Variants in ERG observed in about 807,000 individuals in gnomAD.
The protein encoded by ERG is ETS transcription factor ERG.
In ERG, 9 loss-of-function variants were observed where a neutral mutation model predicts 55.3. The ratio of observed to expected loss-of-function variants is 0.16; its 90% confidence interval spans 0.10 to 0.28. The LOEUF is 0.28. ERG is among the 10% of genes least tolerant of loss of function. The probability of loss-of-function intolerance (pLI) is 1.00; values close to 1 mark genes in which losing one functional copy is unlikely to be tolerated. For synonymous variants in ERG, 223 were observed against 237.3 expected (o/e 0.94, Z 0.55); for missense variants, 434 against 631.6 (o/e 0.69, Z 3.35).
At position 38,512,535 on chromosome 21, in the gene ERG, A is replaced by G. The variant is rs572484468; in HGVS notation, c.-41+63127T>C. Reference sequence around the variant, plus strand: ...TCTTTCAATCAGATATTGAATAATTATACTACACAGTATTAAGAATGAGAT... The same window carrying G: ...TCTTTCAATCAGATATTGAATAATTGTACTACACAGTATTAAGAATGAGAT... On this transcript the variant is annotated intron_variant, in intron 2 of 8. Coordinates refer to the ERG transcript ENST00000398897. Among the ~76,000 whole-genome samples, 20 of 152,374 alleles carry G rather than the reference A, an allele frequency of 1.3e-4. 1 individual carries two copies. The South Asian group carries it at 4.1e-3, about 32-fold the overall frequency.
At chr21:38,510,395 T>TA (rs1310618936) in intron 2 of ERG, among the ~76,000 whole-genome samples, 3 of 152,198 alleles carry the variant, frequency 2.0e-5, no homozygotes, top group Non-Finnish European at 4.4e-5. Context: ...ATGGAATTCT[T>TA]ACACTGGGGA....
intron 3 of ERG, among the ~76,000 whole-genome samples, chr21:38,407,185 A>T (rs2146465356): frequency 6.6e-6 from 1 of 152,318 alleles, no homozygotes; most frequent in East Asian, 1.9e-4. Flanking sequence ...GCAATGATTT[A>T]TTGTCAAGGA....
intron 6 of ERG, among the ~76,000 whole-genome samples, chr21:38,397,911 G>C (rs766358317): frequency 1.3e-5 from 2 of 152,176 alleles, no homozygotes; most frequent in Non-Finnish European, 2.9e-5. Context: ...TTACCTAGGA[G>C]CCTGGCTTGC....
At chr21:38,374,392 C>G in the ERG span, among the ~76,000 whole-genome samples, 1 of 152,190 alleles carries the variant, frequency 6.6e-6, no homozygotes, top group Non-Finnish European at 1.5e-5. Context: ...CGAGTCAACA[C>G]CACTACAGGG....
chr21:38,521,632 T>C (rs970250940), intron 2 of ERG, among the ~76,000 whole-genome samples: 28 of 152,314 alleles, frequency 1.8e-4, no homozygotes, highest in Middle Eastern at 6.8e-3. Flanking sequence ...GTGAAGTTCA[T>C]TGAATTTGCT....
intron 1 of ERG, among the ~76,000 whole-genome samples, chr21:38,495,617 C>T (rs559366196): frequency 3.9e-5 from 6 of 152,218 alleles, no homozygotes; most frequent in South Asian, 4.1e-4. Flanking sequence ...TTAAAAGGTC[C>T]GGGGAGAGGA....
intron 1 of ERG, among the ~76,000 whole-genome samples, chr21:38,600,552 G>C (rs2836552): frequency 0.035 from 5,300 of 152,252 alleles, 298 homozygotes; most frequent in African/African-American, 0.12. Flanking sequence ...CATCATGGCA[G>C]AACTGTAGAA....
chr21:38,467,785 G>A (rs1569122272), intron 1 of ERG, among the ~76,000 whole-genome samples: 1 of 152,202 alleles, frequency 6.6e-6, no homozygotes, highest in Non-Finnish European at 1.5e-5. Context: ...CAAGTGAATT[G>A]TGAATACCAA....
chr21:38,660,185 G>C (rs556248079), intron 1 of ERG, among the ~76,000 whole-genome samples: 1 of 152,294 alleles, frequency 6.6e-6, no homozygotes, highest in South Asian at 2.1e-4. Flanking sequence ...TAGGCCAAGC[G>C]TCAGCTTTTT....
chr21:38,623,164 A>C (rs2060304028), intron 1 of ERG, among the ~76,000 whole-genome samples: 1 of 151,460 alleles, frequency 6.6e-6, no homozygotes, highest in Admixed American at 6.6e-5. Context: ...TGCCACACAC[A>C]CACACATTAC....
intron 2 of ERG, among the ~76,000 whole-genome samples, chr21:38,550,149 C>T (rs1285774816): frequency 1.3e-5 from 2 of 152,126 alleles, no homozygotes; most frequent in Non-Finnish European, 1.5e-5. Context: ...CAAGAGGATC[C>T]GGAAACCTTT....
At chr21:38,437,143 C>A (rs1308080854) in intron 2 of ERG, among the ~76,000 whole-genome samples, 1 of 152,192 alleles carries the variant, frequency 6.6e-6, no homozygotes, top group Non-Finnish European at 1.5e-5. Context: ...CCCACCTCAG[C>A]CTCCCAAAGT....
intron 2 of ERG, among the ~76,000 whole-genome samples, chr21:38,441,477 C>G (rs2058840689): frequency 1.3e-5 from 2 of 152,156 alleles, no homozygotes; most frequent in Admixed American, 6.5e-5. Context: ...CTGCCCACTC[C>G]CACAACTGCA....
chr21:38,535,857 G>C (rs2059705776), intron 2 of ERG, among the ~76,000 whole-genome samples: 1 of 152,104 alleles, frequency 6.6e-6, no homozygotes, highest in African/African-American at 2.4e-5. Flanking sequence ...CAGATAAAAC[G>C]CTATGGGATT....
At chr21:38,614,120 G>C (rs2060245061) in intron 1 of ERG, among the ~76,000 whole-genome samples, 1 of 152,192 alleles carries the variant, frequency 6.6e-6, no homozygotes. Context: ...CCAGCTAAAA[G>C]CTAAGCGCTT....
chr21:38,378,132 T>C (rs1802620126), downstream of ERG, among the ~76,000 whole-genome samples: 1 of 152,190 alleles, frequency 6.6e-6, no homozygotes, highest in Non-Finnish European at 1.5e-5. Context: ...TGCTGACTCT[T>C]AGGACAAACT....
At chr21:38,473,704 G>GTTATAC (rs200335863) in intron 1 of ERG, among the ~76,000 whole-genome samples, 2,559 of 152,188 alleles carry the variant, frequency 0.017, 70 homozygotes, top group African/African-American at 0.059. Flanking sequence ...GTGAAATGAA[G>GTTATAC]TTAAATGTAT....
At chr21:38,580,785 G>A (rs1002643229) in intron 1 of ERG, among the ~76,000 whole-genome samples, 5 of 152,186 alleles carry the variant, frequency 3.3e-5, no homozygotes, top group Non-Finnish European at 7.3e-5. Flanking sequence ...TGGTACCCAA[G>A]GTAGAAGGGA....
chr21:38,385,716 C>G (rs931949822), intron 9 of ERG, among the ~76,000 whole-genome samples: 2 of 152,114 alleles, frequency 1.3e-5, no homozygotes, highest in African/African-American at 4.8e-5. Context: ...CAAACTGTTC[C>G]CAATCAAGTT....
Sources: allele counts gnomAD v4.1 joint callset (sites outside exome capture counted in the v4.1 genomes callset), GRCh38; gene constraint gnomAD v4.1.1; transcripts MANE v1.5; gene names NCBI Gene and HGNC (gene_info 2026-07-23, HGNC 2026-07-21).